Variants in TRPM3 observed in about 807,000 individuals in gnomAD.
TRPM3 encodes transient receptor potential cation channel subfamily M member 3.
Under a neutral mutation model 181.2 loss-of-function variants are expected in TRPM3, and 77 were observed. The ratio of observed to expected loss-of-function variants is 0.42; its 90% CI spans 0.35 to 0.51. TRPM3 has a LOEUF of 0.51. Ranked by LOEUF, TRPM3 falls within the 20% of genes least tolerant of loss-of-function variation. The pLI is 0.01. For synonymous variants in TRPM3, 745 were observed against 796.4 expected (o/e 0.94, Z 1.09); for missense variants, 1,759 against 2,196.7 (o/e 0.80, Z 3.98).
At chr9:71,013,714 G>T (rs2097763539) in intron 1 of TRPM3, among the ~76,000 whole-genome samples, 1 of 151,952 alleles carries the variant, frequency 6.6e-6, no homozygotes, top group Non-Finnish European at 1.5e-5. Context: ...GCATAGAGTA[G>T]TATAAAGTGG....
chr9:70,646,335 A>G (rs184669977), intron 9 of TRPM3, among the ~76,000 whole-genome samples: 1 of 152,360 alleles, frequency 6.6e-6, no homozygotes, highest in East Asian at 1.9e-4. Flanking sequence ...CCCATCAATG[A>G]TAGACTGGAT....
intron 22 of TRPM3, among the ~76,000 whole-genome samples, chr9:70,557,444 C>T (rs369052044): frequency 2.0e-5 from 3 of 152,158 alleles, no homozygotes; most frequent in African/African-American, 7.2e-5. Context: ...AAATGTTGTT[C>T]TATAATGGTT....
chr9:71,204,603 A>G (rs2079013296), intron 1 of TRPM3, among the ~76,000 whole-genome samples: 1 of 152,214 alleles, frequency 6.6e-6, no homozygotes, highest in South Asian at 2.1e-4. Flanking sequence ...GGACACTTTT[A>G]CACTGTTGGT....
chr9:70,821,547 C>T (rs505107), intron 6 of TRPM3, among the ~76,000 whole-genome samples: 93,940 of 151,914 alleles, frequency 0.62, 29,249 homozygotes, highest in Middle Eastern at 0.75. Flanking sequence ...TTAAGTTGGT[C>T]GAACTTATAT....
chr9:71,224,124 G>A (rs912346405), intron 1 of TRPM3, among the ~76,000 whole-genome samples: 3 of 152,338 alleles, frequency 2.0e-5, no homozygotes, highest in Admixed American at 1.3e-4. Context: ...ACCTAGTGTA[G>A]TACCAGTGGT....
intron 1 of TRPM3, among the ~76,000 whole-genome samples, chr9:71,084,926 C>T (rs1041544845): frequency 1.3e-5 from 2 of 151,984 alleles, no homozygotes; most frequent in African/African-American, 4.8e-5. Context: ...GGTACAAAAA[C>T]AGATATGTAG....
Position 70,553,030 on chromosome 9 carries a change from C to CA in TRPM3, c.3387dup (p.Glu1130Ter). 6.2e-7 allele frequency: 1 copy of CA among 1,614,040 alleles called. No individual in the cohort carries two copies. The highest frequency in any genetic ancestry group is 8.5e-7 in the Non-Finnish European group (1 of 1,179,996). ...ACTTGGTTGGATATCGATTTTACTT[C>CA]AAAAAATGTATTGCTAAAATAGAGA... is the stretch of plus-strand genomic sequence containing the variant. On this transcript the variant is annotated frameshift_variant, in exon 24 of 26. Transcript: ENST00000677713. LOFTEE classifies it high-confidence loss of function.
chr9:71,197,755 T>C (rs1159360634), intron 1 of TRPM3, among the ~76,000 whole-genome samples: 3 of 146,998 alleles, frequency 2.0e-5, no homozygotes, highest in East Asian at 4.1e-4. Flanking sequence ...GAGTTCATTG[T>C]AGATTCTGGA....
At chr9:70,910,171 T>C (rs760598684) in intron 1 of TRPM3, among the ~76,000 whole-genome samples, 2 of 152,236 alleles carry the variant, frequency 1.3e-5, no homozygotes, top group Non-Finnish European at 2.9e-5. Context: ...TAATAGATCA[T>C]TAAATTGTGG....
chr9:70,917,834 A>G (rs1222119702), intron 1 of TRPM3, among the ~76,000 whole-genome samples: 2 of 152,098 alleles, frequency 1.3e-5, no homozygotes, highest in Non-Finnish European at 2.9e-5. Context: ...AAAGTCTCCA[A>G]TCAAAAGACA....
At chr9:71,379,957 C>CA (rs1469341449) in intron 1 of TRPM3, among the ~76,000 whole-genome samples, 1 of 151,998 alleles carries the variant, frequency 6.6e-6, no homozygotes. Context: ...AACCACTATG[C>CA]ATTGCCATGT....
chr9:70,766,170 C>CA (rs2079078151), intron 7 of TRPM3, among the ~76,000 whole-genome samples: 1 of 152,052 alleles, frequency 6.6e-6, no homozygotes, highest in Admixed American at 6.6e-5. Flanking sequence ...GTAGATGAGT[C>CA]ACAGAGTAAT....
At chr9:70,946,193 A>G (rs2096930635) in intron 1 of TRPM3, among the ~76,000 whole-genome samples, 1 of 152,042 alleles carries the variant, frequency 6.6e-6, no homozygotes, top group Non-Finnish European at 1.5e-5. Flanking sequence ...AGGCTGGGGT[A>G]CAGTGGCACC....
chr9:70,683,859 C>A (rs1261933349), intron 8 of TRPM3, among the ~76,000 whole-genome samples: 1 of 152,098 alleles, frequency 6.6e-6, no homozygotes, highest in Non-Finnish European at 1.5e-5. Flanking sequence ...AATTTGGGGT[C>A]CACTGGAGAA....
At chr9:71,342,820 T>C (rs1320177020) in intron 1 of TRPM3, among the ~76,000 whole-genome samples, 2 of 152,132 alleles carry the variant, frequency 1.3e-5, no homozygotes, top group African/African-American at 4.8e-5. Flanking sequence ...CCAAAATGTC[T>C]TTTAATAAGT....
At chr9:71,296,335 A>G (rs2086256478) in intron 1 of TRPM3, among the ~76,000 whole-genome samples, 1 of 152,186 alleles carries the variant, frequency 6.6e-6, no homozygotes, top group South Asian at 2.1e-4. Flanking sequence ...AATAATAAAC[A>G]AGTAGACAAA....
In TRPM3 at chr9:70,828,715, T is replaced by TTTG. The variant is rs758707614; in HGVS notation, c.802-698_802-697insCAA. On this transcript the variant is annotated intron_variant, in intron 5 of 25. Transcript: ENST00000677713. ...TGGCCTTCCAGATTTTTTTTTTTTTTTATAAAAAGAACAGCAATACCTATT... is the reference window on the plus strand; with the variant it reads ...TGGCCTTCCAGATTTTTTTTTTTTTTTTGTATAAAAAGAACAGCAATACCTATT... Among the ~76,000 whole-genome samples the TTTG allele has an allele frequency of 2.1e-5, 3 of 143,222 alleles. 1 individual carries two copies. The highest frequency in any genetic ancestry group is 7.0e-5 in the Admixed American group (1 of 14,232). The allele number at this position is 143,222 out of a possible 152,430, so 94.0% of individuals were successfully genotyped here.
At chr9:71,032,915 C>T (rs2057716197) in intron 1 of TRPM3, among the ~76,000 whole-genome samples, 1 of 152,306 alleles carries the variant, frequency 6.6e-6, no homozygotes, top group Non-Finnish European at 1.5e-5. Flanking sequence ...CTCCATTTAG[C>T]TACCTACCTA....
At chr9:71,137,016 A>G (rs954854248) in intron 1 of TRPM3, among the ~76,000 whole-genome samples, 1 of 152,228 alleles carries the variant, frequency 6.6e-6, no homozygotes, top group South Asian at 2.1e-4. Flanking sequence ...TGACTCTAGC[A>G]TCTGTGTAGA....
Sources: allele counts gnomAD v4.1 joint callset (sites outside exome capture counted in the v4.1 genomes callset), GRCh38; gene constraint gnomAD v4.1.1; transcripts MANE v1.5; gene names NCBI Gene and HGNC (gene_info 2026-07-23, HGNC 2026-07-21).